Variants in PRDM16 observed in about 807,000 individuals in gnomAD.
PRDM16 encodes the protein histone-lysine N-methyltransferase PRDM16.
A neutral mutation model predicts 110.6 loss-of-function variants in PRDM16; 23 were observed. That is an observed-to-expected ratio of 0.21 (90% CI 0.15 to 0.29). The LOEUF is 0.29. PRDM16 is among the 10% of genes least tolerant of loss of function. The pLI, the probability that PRDM16 is intolerant of heterozygous loss-of-function variation, is 1.00. For missense variants in PRDM16, 1,615 were observed against 1,794.3 expected (o/e 0.90, Z 1.81); for synonymous variants, 799 against 781.8 (o/e 1.02, Z -0.37).
chr1:3,204,697 C>T (rs991934988), intron 2 of PRDM16, among the ~76,000 whole-genome samples: 2 of 152,250 alleles, frequency 1.3e-5, no homozygotes, highest in African/African-American at 4.8e-5. Flanking sequence ...TGTACGTAGA[C>T]GTGTGACCAC....
chr1:3,258,769 A>T (rs1640100717), intron 3 of PRDM16, among the ~76,000 whole-genome samples: 1 of 152,212 alleles, frequency 6.6e-6, no homozygotes, highest in African/African-American at 2.4e-5. Context: ...CGGCTCACGC[A>T]CACCGGGTTA....
At chr1:3,162,502 C>T (rs1393896934) in intron 1 of PRDM16, among the ~76,000 whole-genome samples, 1 of 152,246 alleles carries the variant, frequency 6.6e-6, no homozygotes, top group Non-Finnish European at 1.5e-5. Context: ...TGCCCCTTCC[C>T]CCCGGCTGAG....
At chr1:3,241,857 C>T (rs971414612) in intron 2 of PRDM16, among the ~76,000 whole-genome samples, 1 of 152,192 alleles carries the variant, frequency 6.6e-6, no homozygotes, top group Non-Finnish European at 1.5e-5. Flanking sequence ...CGGCCCCCAC[C>T]TGAGAGGCTA....
chr1:3,166,941 C>G (rs1003452959), intron 1 of PRDM16, among the ~76,000 whole-genome samples: 1 of 152,202 alleles, frequency 6.6e-6, no homozygotes, highest in African/African-American at 2.4e-5. Context: ...TGCTACAAGG[C>G]CCAGAGACCT....
intron 3 of PRDM16, among the ~76,000 whole-genome samples, chr1:3,345,720 G>A (rs1642347818): frequency 6.6e-6 from 1 of 151,608 alleles, no homozygotes; most frequent in Non-Finnish European, 1.5e-5. Context: ...GCCCTCTCGG[G>A]TCCTCCCGTG....
At chr1:3,401,477 A>T (rs1004566948) in intron 5 of PRDM16, among the ~76,000 whole-genome samples, 2 of 152,192 alleles carry the variant, frequency 1.3e-5, no homozygotes, top group Non-Finnish European at 2.9e-5. Flanking sequence ...CACAAATTGC[A>T]TGCATACACA....
chr1:3,424,491 C>T (rs1638535151), intron 12 of PRDM16, among the ~76,000 whole-genome samples: 1 of 152,250 alleles, frequency 6.6e-6, no homozygotes. Context: ...CTGCCTGATG[C>T]CGTGGAGGCC....
intron 1 of PRDM16, among the ~76,000 whole-genome samples, chr1:3,162,215 T>G (rs1643904061): frequency 6.6e-6 from 1 of 152,158 alleles, no homozygotes; most frequent in Non-Finnish European, 1.5e-5. Flanking sequence ...CCCAGGATTT[T>G]CCCGTCACCC....
chr1:3,240,458 G>C (rs1335053004), intron 2 of PRDM16, among the ~76,000 whole-genome samples: 1 of 151,830 alleles, frequency 6.6e-6, no homozygotes, highest in East Asian at 1.9e-4. Flanking sequence ...AAGAGAAGTA[G>C]GTTAGAGAGA....
rs1316507226 is a variant in PRDM16, at chr1:3,255,042, A to C, written c.438+10905A>C. Among the ~76,000 whole-genome samples, 1 of 152,048 alleles carries C rather than the reference A, an allele frequency of 6.6e-6. No individual in the cohort carries two copies. Among genetic ancestry groups the C allele is most frequent in the Non-Finnish European group, 1.5e-5 (1 of 68,010 alleles). Reference sequence around the variant, plus strand: ...TCTGATCTTTGACAAACCTGAGAAAAACAAGCAATGGGGAAAGGATTCCCT... The same window carrying C: ...TCTGATCTTTGACAAACCTGAGAAACACAAGCAATGGGGAAAGGATTCCCT... On this transcript the variant is annotated intron_variant, in intron 3 of 16. Coordinates refer to ENST00000270722, the MANE Select transcript of PRDM16 (RefSeq NM_022114.4). The surrounding 1 kb of genome is among the most constrained non-coding windows in gnomAD (Gnocchi z 4.7).
intron 3 of PRDM16, among the ~76,000 whole-genome samples, chr1:3,336,908 T>A (rs1198794088): frequency 6.7e-6 from 1 of 149,498 alleles, no homozygotes; most frequent in Non-Finnish European, 1.5e-5. Context: ...TTGGTGTGAG[T>A]CTGTGTGTGA....
At chr1:3,396,645 C>G in intron 5 of PRDM16, 52 bp downstream of exon 5, 1 of 747,874 alleles carries the variant, frequency 1.3e-6, no homozygotes, top group South Asian at 1.7e-5. Context: ...CCCCAGCCAG[C>G]CCGGAAGAGG....
intron 2 of PRDM16, among the ~76,000 whole-genome samples, chr1:3,220,894 G>T (rs1639136188): frequency 6.6e-6 from 1 of 152,340 alleles, no homozygotes; most frequent in Non-Finnish European, 1.5e-5. Context: ...CCCAGCCTTG[G>T]GAGAAAGTGC....
intron 3 of PRDM16, among the ~76,000 whole-genome samples, chr1:3,277,205 G>A (rs913834936): frequency 6.6e-5 from 10 of 152,216 alleles, no homozygotes; most frequent in African/African-American, 2.4e-4. Context: ...AGGGCTGAGT[G>A]AGACTAGTGG....
chr1:3,165,302 C>T (rs192130882), intron 1 of PRDM16, among the ~76,000 whole-genome samples: 223 of 139,592 alleles, frequency 1.6e-3, no homozygotes, highest in Middle Eastern at 4.0e-3. Flanking sequence ...CTCACCTGGG[C>T]TCAGGGACAG....
intron 1 of PRDM16, among the ~76,000 whole-genome samples, chr1:3,145,976 C>T (rs994035345): frequency 5.9e-5 from 9 of 152,158 alleles, no homozygotes; most frequent in East Asian, 1.9e-4. Context: ...AGCAGCGCCT[C>T]GGGACTCACA....
chr1:3,348,333 A>G (rs1289105897), intron 3 of PRDM16, among the ~76,000 whole-genome samples: 1 of 152,126 alleles, frequency 6.6e-6, no homozygotes, highest in African/African-American at 2.4e-5. Flanking sequence ...TGGAGCAACT[A>G]CTCGGCTGCC....
At chr1:3,270,677 C>CGG (rs1640426629) in intron 3 of PRDM16, among the ~76,000 whole-genome samples, 10 of 132,666 alleles carry the variant, frequency 7.5e-5, no homozygotes, top group Admixed American at 2.3e-4. Context: ...AGGACAGTCC[C>CGG]AGAGGAGGAC....
At chr1:3,222,905 C>A (rs1639200668) in intron 2 of PRDM16, among the ~76,000 whole-genome samples, 1 of 152,040 alleles carries the variant, frequency 6.6e-6, no homozygotes, top group Non-Finnish European at 1.5e-5. Context: ...GCCCTCAAGG[C>A]CGGGGTGGAG....
Sources: allele counts gnomAD v4.1 joint callset (sites outside exome capture counted in the v4.1 genomes callset), GRCh38; gene constraint gnomAD v4.1.1; non-coding constraint Gnocchi (gnomAD v3.1); transcripts MANE v1.5; gene names NCBI Gene and HGNC (gene_info 2026-07-23, HGNC 2026-07-21).